ASTN2: variants seen among roughly 807,000 people sequenced by gnomAD.
ASTN2 encodes astrotactin-2.
ASTN2 carries 54 observed loss-of-function variants against 139.8 expected under a neutral mutation model. The ratio of observed to expected loss-of-function variants is 0.39; its 90% CI spans 0.31 to 0.48. The LOEUF (loss-of-function observed/expected upper bound fraction) is 0.48, where lower values mean the gene tolerates loss of function less well. Among genes scored for constraint, ASTN2 ranks in the 20% least tolerant of loss-of-function variants. ASTN2 has a pLI of 0.95. For missense variants in ASTN2, 1,565 were observed against 1,725.1 expected, an observed-to-expected ratio of 0.91 and a Z score of 1.64; for synonymous variants, 756 against 719.5, an observed-to-expected ratio of 1.05 and a Z score of -0.81.
intron 6 of ASTN2, among the ~76,000 whole-genome samples, chr9:117,009,538 C>T (rs1837452700): frequency 6.6e-6 from 1 of 151,920 alleles, no homozygotes; most frequent in African/African-American, 2.4e-5. Flanking sequence ...AAATATGTAC[C>T]CAAACAGAAC....
intron 4 of ASTN2, among the ~76,000 whole-genome samples, chr9:117,098,577 A>G (rs1454643347): frequency 6.6e-6 from 1 of 152,026 alleles, no homozygotes; most frequent in Non-Finnish European, 1.5e-5. Context: ...CACTTCCCCA[A>G]TCCCCAGCAA....
chr9:117,001,729 A>T (rs1031259990), intron 7 of ASTN2, among the ~76,000 whole-genome samples: 7 of 152,292 alleles, frequency 4.6e-5, no homozygotes, highest in Middle Eastern at 3.4e-3. Flanking sequence ...TTCATGATGT[A>T]TCTCCTGAAA....
At chr9:116,464,587 T>C (rs1330154179) in intron 20 of ASTN2, among the ~76,000 whole-genome samples, 2 of 152,202 alleles carry the variant, frequency 1.3e-5, no homozygotes, top group Non-Finnish European at 2.9e-5. Flanking sequence ...TGCTGAAGCA[T>C]ATCCCTGAGT....
intron 3 of ASTN2, among the ~76,000 whole-genome samples, chr9:117,188,097 G>A (rs772572447): frequency 4.7e-5 from 7 of 149,870 alleles, no homozygotes; most frequent in Non-Finnish European, 1.0e-4. Context: ...CCCTAGTCAT[G>A]ACAAAAAAAA....
rs114891634 is a variant in ASTN2, at chr9:116,671,979, G to A, written c.2807-20186C>T. On this transcript the variant is annotated intron_variant, in intron 16 of 22. Transcript: ENST00000313400. ...TCCTGACTCACAAAAACTGTGAGAG[G>A]GGAAAAAAAGTGTGTTGTTTCGAGT... Among the ~76,000 whole-genome samples the A allele has an allele frequency of 4.3e-3, 650 of 152,128 alleles. 5 individuals carry two copies. The highest frequency in any genetic ancestry group is 0.015 in the African/African-American group (614 of 41,532).
intron 17 of ASTN2, among the ~76,000 whole-genome samples, chr9:116,650,679 A>G (rs1857857780): frequency 6.6e-6 from 1 of 152,212 alleles, no homozygotes; most frequent in South Asian, 2.1e-4. Context: ...CACCAAACCC[A>G]TGTCTTCTCC....
At chr9:116,694,457 C>CTTTTTT in intron 16 of ASTN2, among the ~76,000 whole-genome samples, 1 of 60,384 alleles carries the variant, frequency 1.7e-5, no homozygotes, top group Non-Finnish European at 3.0e-5. Context: ...GTTGTAATTT[C>CTTTTTT]TCTTTTTTTT....
At chr9:116,901,657 T>A (rs550258771) in intron 10 of ASTN2, among the ~76,000 whole-genome samples, 1 of 152,234 alleles carries the variant, frequency 6.6e-6, no homozygotes, top group Non-Finnish European at 1.5e-5. Context: ...TAATAATACA[T>A]GACTATGTTA....
chr9:117,104,967 G>A (rs545085649), intron 4 of ASTN2, among the ~76,000 whole-genome samples: 2 of 152,244 alleles, frequency 1.3e-5, no homozygotes, highest in South Asian at 2.1e-4. Flanking sequence ...ACTTACGAGG[G>A]AGAAGCTCAC....
chr9:117,383,960 C>T (rs1002174470), intron 1 of ASTN2, among the ~76,000 whole-genome samples: 5 of 152,142 alleles, frequency 3.3e-5, no homozygotes, highest in African/African-American at 9.7e-5. Flanking sequence ...ATGAAATCCA[C>T]GAACAGGGGC....
intron 2 of ASTN2, among the ~76,000 whole-genome samples, chr9:117,267,376 G>A (rs985851914): frequency 2.6e-5 from 4 of 152,178 alleles, no homozygotes; most frequent in Non-Finnish European, 5.9e-5. Context: ...TAATAGTGTT[G>A]CACCCTGGGA....
intron 19 of ASTN2, among the ~76,000 whole-genome samples, chr9:116,545,540 T>C (rs981241361): frequency 3.1e-4 from 47 of 152,226 alleles, no homozygotes; most frequent in African/African-American, 1.0e-3. Context: ...TTTCATTGTA[T>C]AGCTTGTCAT....
In ASTN2 at chr9:116,768,990, T is replaced by C. The variant is rs538869859; in HGVS notation, c.2397-35467A>G. Among the ~76,000 whole-genome samples, 208 of 152,258 alleles carry C rather than the reference T, an allele frequency of 1.4e-3. 1 individual carries two copies. The South Asian group carries it at 0.035, about 26-fold the overall frequency. On this transcript the variant is annotated intron_variant, in intron 13 of 22. Transcript: ENST00000313400. The stretch of plus-strand genomic sequence containing the variant: ...GTATTTGCCCATCAAATGAAATTAT[T>C]ATGACCAGTTGGATATACCTTACTT...
At chr9:116,654,971 C>T (rs1219027028) in intron 16 of ASTN2, among the ~76,000 whole-genome samples, 1 of 152,178 alleles carries the variant, frequency 6.6e-6, no homozygotes, top group East Asian at 1.9e-4. Flanking sequence ...ATCTATCACC[C>T]CTTTTGGTGC....
At chr9:117,157,252 G>A (rs1564453997) in intron 3 of ASTN2, among the ~76,000 whole-genome samples, 1 of 151,850 alleles carries the variant, frequency 6.6e-6, no homozygotes. Context: ...TTTGAACACA[G>A]AGGAGGGAAG....
intron 2 of ASTN2, among the ~76,000 whole-genome samples, chr9:117,233,844 T>C (rs1306064345): frequency 6.6e-6 from 1 of 152,228 alleles, no homozygotes; most frequent in Non-Finnish European, 1.5e-5. Context: ...ACAGTGGTCA[T>C]AATAACCTAA....
At chr9:116,935,482 C>T (rs138813740) in intron 10 of ASTN2, among the ~76,000 whole-genome samples, 3,546 of 152,180 alleles carry the variant, frequency 0.023, 60 homozygotes, top group Middle Eastern at 0.058. Context: ...CTTTTTAAGA[C>T]ATTTCTGTAT....
rs536782611 is a variant in ASTN2 at position 117,080,351 on chromosome 9, G to T, written c.1276+15693C>A. ...AAGTGGATGCATCATCATTTACTTA[G>T]CCATCCTCCTATTGTTGGACATTTG... On this transcript the variant is annotated intron_variant, in intron 5 of 22. Coordinates refer to ENST00000313400, the MANE Select transcript of ASTN2 (RefSeq NM_001365068.1). Among the ~76,000 whole-genome samples the T allele has an allele frequency of 6.6e-5, 10 of 152,190 alleles. No individual in the cohort carries two copies. The South Asian group carries it at 2.1e-3, about 32-fold the overall frequency.
intron 3 of ASTN2, among the ~76,000 whole-genome samples, chr9:117,188,031 TG>T (rs1437400060): frequency 2.0e-5 from 3 of 152,004 alleles, no homozygotes; most frequent in Non-Finnish European, 2.9e-5. Context: ...TTGCTGGGGT[TG>T]GGGGGCGGTC....
Sources: gnomAD v4.1 joint callset for allele counts (sites outside exome capture counted in the v4.1 genomes callset) on GRCh38, gnomAD v4.1.1 for gene constraint, MANE v1.5 for transcripts, NCBI Gene and HGNC (gene_info 2026-07-23, HGNC 2026-07-21) for gene names.